CNTN1: variants seen among roughly 807,000 people sequenced by gnomAD.
The protein encoded by CNTN1 is contactin 1, also known as contactin-1.
In CNTN1, 38 loss-of-function variants were observed where a neutral mutation model predicts 126.4. That is an observed-to-expected ratio of 0.30 (90% CI 0.23 to 0.39). CNTN1 has a LOEUF of 0.39. Ranked by LOEUF, CNTN1 falls within the 10% of genes least tolerant of loss-of-function variation. CNTN1 has a pLI of 1.00. For synonymous variants in CNTN1, 413 were observed against 422.6 expected (o/e 0.98, Z 0.28); for missense variants, 1,009 against 1,248.4 (o/e 0.81, Z 2.89).
At chr12:41,061,635 T>G (rs980067744) in intron 23 of CNTN1, 5 of 314,610 alleles carry the variant, frequency 1.6e-5, no homozygotes, top group African/African-American at 1.1e-4. Context: ...ATGTAACAAA[T>G]ATGTTTGCAA....
chr12:41,070,175 C>A lies in CNTN1; in HGVS notation c.*140C>A. On this transcript the variant is annotated 3_prime_UTR_variant, in exon 24 of 24. Coordinates refer to ENST00000551295, the MANE Select transcript of CNTN1 (RefSeq NM_001843.4). ...TTTAACAAACTATTCAACTGATTTACAACACACATGATGACTGAGGCATTC... is the reference window on the plus strand; with the variant it reads ...TTTAACAAACTATTCAACTGATTTAAAACACACATGATGACTGAGGCATTC... 2.6e-6 allele frequency: 2 copies of A among 757,406 alleles called. No individual in the cohort carries two copies. Among genetic ancestry groups the A allele is most frequent in the Non-Finnish European group, 4.6e-6 (2 of 433,756 alleles). The allele number at this position is 757,406 out of a possible 1,614,324, so 46.9% of individuals were successfully genotyped here.
At chr12:40,823,112 T>G (rs73116798) in intron 1 of CNTN1, among the ~76,000 whole-genome samples, 3,412 of 152,262 alleles carry the variant, frequency 0.022, 120 homozygotes, top group African/African-American at 0.078. Context: ...AATAATATAT[T>G]TTAGTAACAT....
intron 16 of CNTN1, among the ~76,000 whole-genome samples, chr12:40,983,935 C>T (rs961499326): frequency 1.5e-5 from 2 of 134,998 alleles, no homozygotes; most frequent in African/African-American, 2.8e-5. Flanking sequence ...TTATTATATG[C>T]TATGTCATAT....
At chr12:40,882,572 G>A (rs1210018051) in intron 1 of CNTN1, among the ~76,000 whole-genome samples, 1 of 151,570 alleles carries the variant, frequency 6.6e-6, no homozygotes, top group Non-Finnish European at 1.5e-5. Flanking sequence ...TTTCCTCTAA[G>A]ACAATAGGAA....
At chr12:40,964,880 T>A (rs959965062) in intron 15 of CNTN1, among the ~76,000 whole-genome samples, 4 of 152,164 alleles carry the variant, frequency 2.6e-5, no homozygotes, top group African/African-American at 9.6e-5. Flanking sequence ...GTCTTTTCTA[T>A]GGAAAATGCT....
intron 15 of CNTN1, among the ~76,000 whole-genome samples, chr12:40,966,835 G>C (rs918524395): frequency 6.6e-6 from 1 of 151,812 alleles, no homozygotes; most frequent in Non-Finnish European, 1.5e-5. Context: ...TAAAATATAA[G>C]GATAAGAAGA....
chr12:40,864,144 G>C (rs1175384971), intron 1 of CNTN1, among the ~76,000 whole-genome samples: 1 of 148,978 alleles, frequency 6.7e-6, no homozygotes, highest in African/African-American at 2.5e-5. Flanking sequence ...CAGCCTCTGA[G>C]TACCTGGGGT....
At position 40,698,527 on chromosome 12, in the gene CNTN1, T is replaced by A. The variant is rs368158678; in HGVS notation, c.-77+5935T>A. ...CTGAGATTACAGGCGTGAGCCACCA[T>A]GACCGGCCATGAGACCAGCCACTTA... On this transcript the variant is annotated intron_variant, in intron 1 of 23. Transcript: ENST00000551295. 2.6e-5 allele frequency among the ~76,000 whole-genome samples: 4 copies of A among 152,244 alleles called. No individual in the cohort carries two copies. The East Asian group carries it at 7.7e-4, about 29-fold the overall frequency.
chr12:40,990,583 T>G (rs887614984), intron 16 of CNTN1, among the ~76,000 whole-genome samples: 2 of 152,194 alleles, frequency 1.3e-5, no homozygotes, highest in Non-Finnish European at 2.9e-5. Flanking sequence ...TCACATATTT[T>G]TGGTGGTCAA....
chr12:41,036,705 T>C (rs1202354924), intron 23 of CNTN1, among the ~76,000 whole-genome samples: 1 of 152,152 alleles, frequency 6.6e-6, no homozygotes, highest in Admixed American at 6.5e-5. Context: ...CATATTTTCA[T>C]TTTCAGTATT....
intron 15 of CNTN1, among the ~76,000 whole-genome samples, chr12:40,965,355 T>G (rs981818569): frequency 6.6e-5 from 10 of 152,120 alleles, no homozygotes; most frequent in Non-Finnish European, 1.5e-4. Context: ...GTACTAGACT[T>G]TCTCCAGAAA....
chr12:41,034,661 T>C (rs1949217341), intron 23 of CNTN1, among the ~76,000 whole-genome samples: 1 of 152,212 alleles, frequency 6.6e-6, no homozygotes, highest in Non-Finnish European at 1.5e-5. Context: ...AGTATTCAAG[T>C]ATATAAATCT....
rs1444699216 is a variant in CNTN1, at chr12:40,755,221, A to G, written c.-77+62629A>G. Among the ~76,000 whole-genome samples the G allele has an allele frequency of 8.1e-4, 103 of 127,464 alleles. 4 individuals are homozygous for G. Among genetic ancestry groups the G allele is most frequent in the South Asian group, 4.8e-3 (17 of 3,578 alleles). 83.6% of individuals were successfully genotyped at this position (127,464 alleles called of 152,430 possible). On this transcript the variant is annotated intron_variant, in intron 1 of 23. Transcript: ENST00000551295. ...AAAAAAAAAAAAAAAAAAAAAAAAA[A>G]AAAAAGAAGAAAAGAAAAAGAAATG... is the stretch of plus-strand genomic sequence containing the variant.
At chr12:40,766,610 A>G (rs376567473) in intron 1 of CNTN1, among the ~76,000 whole-genome samples, 1 of 152,270 alleles carries the variant, frequency 6.6e-6, no homozygotes, top group South Asian at 2.1e-4. Flanking sequence ...CTCTTGATCA[A>G]CTTATCTGAT....
intron 1 of CNTN1, among the ~76,000 whole-genome samples, chr12:40,861,728 TA>T (rs1444063191): frequency 6.6e-6 from 1 of 152,198 alleles, no homozygotes; most frequent in Non-Finnish European, 1.5e-5. Flanking sequence ...ATTAATTTTT[TA>T]TTGGTTTCCT....
intron 14 of CNTN1, among the ~76,000 whole-genome samples, chr12:40,949,472 G>A (rs1424536496): frequency 1.6e-5 from 2 of 122,398 alleles, no homozygotes; most frequent in Non-Finnish European, 3.2e-5. Context: ...TCCCCTTCCT[G>A]TGTCCATGTG....
chr12:40,983,382 G>C (rs1947870477), intron 16 of CNTN1, among the ~76,000 whole-genome samples: 1 of 151,684 alleles, frequency 6.6e-6, no homozygotes, highest in African/African-American at 2.4e-5. Flanking sequence ...TACTATTTTT[G>C]TTCCTCTTTT....
chr12:41,051,386 C>T (rs542160462), intron 23 of CNTN1, among the ~76,000 whole-genome samples: 3 of 151,834 alleles, frequency 2.0e-5, no homozygotes, highest in South Asian at 4.2e-4. Context: ...CTCCTGACCT[C>T]GTGATCCACC....
chr12:41,014,068 C>T (rs1489550866), intron 17 of CNTN1, among the ~76,000 whole-genome samples, 160 bp from the exon 18 acceptor site: 1 of 152,140 alleles, frequency 6.6e-6, no homozygotes, highest in Admixed American at 6.5e-5. Flanking sequence ...TACTGTGAGC[C>T]ATTGTTATTA....
Sources: allele counts gnomAD v4.1 joint callset (sites outside exome capture counted in the v4.1 genomes callset), GRCh38; gene constraint gnomAD v4.1.1; transcripts MANE v1.5; gene names NCBI Gene and HGNC (gene_info 2026-07-23, HGNC 2026-07-21).